The following RBBP8 variants were observed in gnomAD, a reference collection of about 807,000 sequenced individuals.
RBBP8 encodes the protein DNA endonuclease RBBP8.
RBBP8 carries 88 observed loss-of-function variants against 108.3 expected under a neutral mutation model. The ratio of observed to expected loss-of-function variants is 0.81; its 90% CI spans 0.68 to 0.97. RBBP8 has a LOEUF of 0.97. Among genes scored for constraint, RBBP8 ranks in the 50% least tolerant of loss-of-function variants. The pLI, the probability that RBBP8 is intolerant of heterozygous loss-of-function variation, is 0.00. For synonymous variants in RBBP8, 332 were observed against 348.2 expected, an observed-to-expected ratio of 0.95 and a Z score of 0.52; for missense variants, 1,023 against 1,049.0, an observed-to-expected ratio of 0.98 and a Z score of 0.34.
rs190643791 is a variant in RBBP8, at chr18:22,965,286, A to G, written c.249-3520A>G. On this transcript the variant is annotated intron_variant, in intron 4 of 18. Transcript: ENST00000327155. Reference sequence around the variant, plus strand: ...GCCTTTTGATACTTGGTTATTTGTTATATTTAAGAGATGAGAATAAAGTAA... The same window carrying G: ...GCCTTTTGATACTTGGTTATTTGTTGTATTTAAGAGATGAGAATAAAGTAA... Among the ~76,000 whole-genome samples, 304 of 151,904 alleles carry G rather than the reference A, an allele frequency of 2.0e-3. 1 individual carries two copies. The highest frequency in any genetic ancestry group is 6.6e-3 in the African/African-American group (273 of 41,416).
chr18:22,931,567 T>A (rs934112718), upstream of RBBP8, among the ~76,000 whole-genome samples: 4 of 152,240 alleles, frequency 2.6e-5, no homozygotes, highest in African/African-American at 9.6e-5. Context: ...ATTATAATCA[T>A]ATTAGCTAAG....
At chr18:22,936,299 A>C (rs762466176) in intron 1 of RBBP8, among the ~76,000 whole-genome samples, 2 of 149,142 alleles carry the variant, frequency 1.3e-5, no homozygotes, top group Non-Finnish European at 3.0e-5. Flanking sequence ...ATGGGGTTTC[A>C]CCATGGTGGC....
intron 4 of RBBP8, among the ~76,000 whole-genome samples, chr18:22,966,346 T>C (rs1460305671): frequency 6.6e-6 from 1 of 152,226 alleles, no homozygotes; most frequent in Non-Finnish European, 1.5e-5. Context: ...TCATTCATTC[T>C]AGAAATTCCG....
intron 12 of RBBP8, among the ~76,000 whole-genome samples, chr18:22,995,125 C>T (rs955967931): frequency 6.6e-6 from 1 of 152,070 alleles, no homozygotes; most frequent in African/African-American, 2.4e-5. Context: ...CAAGTTATTC[C>T]TTTATTCTGG....
At chr18:22,988,310 A>G (rs567734287) in intron 8 of RBBP8, among the ~76,000 whole-genome samples, 2 of 152,262 alleles carry the variant, frequency 1.3e-5, no homozygotes, top group East Asian at 1.9e-4. Context: ...GATAAATTTG[A>G]AACTCCTTAG....
chr18:22,974,551 T>C (rs1376992088), intron 5 of RBBP8, among the ~76,000 whole-genome samples: 1 of 152,188 alleles, frequency 6.6e-6, no homozygotes, highest in East Asian at 1.9e-4. Context: ...AACCTCAGCG[T>C]CCTAGGTTCA....
Position 23,006,358 on chromosome 18 carries a change from T to C in RBBP8, c.2288-5T>C. The C allele has an allele frequency of 6.2e-7, 1 of 1,610,972 alleles. No homozygotes were observed. The highest frequency in any genetic ancestry group is 8.5e-7 in the Non-Finnish European group (1 of 1,177,350). On this transcript the variant is annotated splice_region_variant and splice_polypyrimidine_tract_variant and intron_variant, in intron 15 of 18. Transcript: ENST00000327155. ...TAGTTTGTAATGTGCATGTTTTATT[T>C]ATAGCTCATGGTGATAAACAAGACA... is the stretch of plus-strand genomic sequence containing the variant.
chr18:22,990,688 A>G (rs913545769), intron 9 of RBBP8, among the ~76,000 whole-genome samples: 6 of 152,096 alleles, frequency 3.9e-5, no homozygotes, highest in African/African-American at 1.2e-4. Flanking sequence ...ATGTATCCCC[A>G]TTCTCCTCCC....
At chr18:22,943,573 G>A (rs957091703) in intron 2 of RBBP8, among the ~76,000 whole-genome samples, 1 of 152,000 alleles carries the variant, frequency 6.6e-6, no homozygotes, top group Non-Finnish European at 1.5e-5. Flanking sequence ...AGCAAAGTGA[G>A]CACAGCTTAA....
At chr18:22,970,511 T>C (rs1190645246) in intron 5 of RBBP8, among the ~76,000 whole-genome samples, 1 of 152,234 alleles carries the variant, frequency 6.6e-6, no homozygotes, top group Admixed American at 6.5e-5. Flanking sequence ...GCTCAACTTT[T>C]TGTTTGAATG....
At chr18:22,946,150 A>G (rs749013227) in intron 2 of RBBP8, among the ~76,000 whole-genome samples, 1 of 152,214 alleles carries the variant, frequency 6.6e-6, no homozygotes, top group Non-Finnish European at 1.5e-5. Context: ...ATGTCAGAAC[A>G]TAGACCTTCA....
chr18:22,957,311 T>TTG (rs1912658056), intron 4 of RBBP8, among the ~76,000 whole-genome samples: 1 of 147,380 alleles, frequency 6.8e-6, no homozygotes, highest in South Asian at 2.1e-4. Flanking sequence ...TTTTTTTTTT[T>TTG]GCCTGTCTTT....
At chr18:22,996,532 G>A (rs1598724288) in intron 13 of RBBP8, 70 bp downstream of exon 13, 20 of 1,577,746 alleles carry the variant, frequency 1.3e-5, no homozygotes, top group Middle Eastern at 1.8e-4. Context: ...ACCTCCTCTC[G>A]TGACTCACTG....
intron 15 of RBBP8, 151 bp from the exon 16 acceptor site, chr18:23,006,212 T>G: frequency 1.5e-6 from 1 of 686,484 alleles, no homozygotes; most frequent in African/African-American, 1.8e-5. Context: ...AGTTACAAAG[T>G]TGCAGAAAAT....
At chr18:22,967,220 G>A (rs538811534) in intron 4 of RBBP8, among the ~76,000 whole-genome samples, 3 of 152,010 alleles carry the variant, frequency 2.0e-5, no homozygotes, top group Non-Finnish European at 4.4e-5. Context: ...CAAAAAATTA[G>A]CCAGGAGAGG....
intron 4 of RBBP8, chr18:22,949,990 A>G (rs890720741): frequency 8.8e-5 from 25 of 284,782 alleles, no homozygotes; most frequent in Non-Finnish European, 2.6e-5. Context: ...TAATGCTTTA[A>G]TTCCAGTTTT....
At chr18:22,947,179 T>G (rs1367149115) in intron 3 of RBBP8, among the ~76,000 whole-genome samples, 4 of 152,120 alleles carry the variant, frequency 2.6e-5, no homozygotes, top group African/African-American at 9.6e-5. Context: ...AACTCTTGTT[T>G]TCTTTTAAAA....
chr18:22,997,181 G>A (rs2045874246), intron 13 of RBBP8, among the ~76,000 whole-genome samples: 1 of 152,120 alleles, frequency 6.6e-6, no homozygotes, highest in South Asian at 2.1e-4. Context: ...TAGCTTCTGT[G>A]TAGTTTCAGA....
chr18:22,996,476 T>G lies in RBBP8; in HGVS notation c.2028+14T>G. The G allele has an allele frequency of 9.9e-6, 16 of 1,612,542 alleles. No individual in the cohort carries two copies. Among genetic ancestry groups the G allele is most frequent in the Non-Finnish European group, 1.3e-5 (15 of 1,179,458 alleles). The stretch of plus-strand genomic sequence containing the variant: ...ATAGATACAAAGGTAAGTTAAAAAG[T>G]AAAACCAAAACTCATTTGACTTTTA... On this transcript the variant is annotated intron_variant, in intron 13 of 18. Coordinates refer to ENST00000327155, the MANE Select transcript of RBBP8 (RefSeq NM_002894.3).
Sources: gnomAD v4.1 joint callset for allele counts (sites outside exome capture counted in the v4.1 genomes callset) on GRCh38, gnomAD v4.1.1 for gene constraint, MANE v1.5 for transcripts, NCBI Gene and HGNC (gene_info 2026-07-23, HGNC 2026-07-21) for gene names.